LMAN2L: variants seen among roughly 807,000 people sequenced by gnomAD.
LMAN2L encodes the protein VIP36-like protein.
In LMAN2L, 30 loss-of-function variants were observed where a neutral mutation model predicts 44.3. The observed-to-expected ratio is 0.68, with a 90% CI of 0.51 to 0.92. The LOEUF (loss-of-function observed/expected upper bound fraction) is 0.92, where lower values mean the gene tolerates loss of function less well. LMAN2L is among the 40% of genes least tolerant of loss of function. The pLI is 0.00. For missense variants in LMAN2L, 429 were observed against 446.1 expected (o/e 0.96, Z 0.35); for synonymous variants, 183 against 171.1 (o/e 1.07, Z -0.54).
At chr2:96,739,113 G>C (rs1224553779) in intron 1 of LMAN2L, among the ~76,000 whole-genome samples, 1 of 152,140 alleles carries the variant, frequency 6.6e-6, no homozygotes, top group Non-Finnish European at 1.5e-5. Flanking sequence ...ACTTCTTTAA[G>C]AATGAAAACT....
Position 96,738,060 on chromosome 2 carries a change from G to A in LMAN2L, c.195C>T (p.Gly65=). 1 of 1,610,938 alleles carries A rather than the reference G, an allele frequency of 6.2e-7. No homozygotes were observed. The highest frequency in any genetic ancestry group is 8.5e-7 in the Non-Finnish European group (1 of 1,177,140). ...GATTCCACAGTGAGGAACTGCCTGT[G>A]CCCACACCTACAGGAAGGAAGTAGA... ...HSLSKPYQGV[G]TGSSSLWNLM... The change falls in exon 2 of 8, where the codon GGC becomes GGT. Residue 65 remains glycine, a synonymous_variant. Coordinates refer to ENST00000264963, the MANE Select transcript of LMAN2L (RefSeq NM_030805.4).
At chr2:96,722,599 C>CCATT (rs2078182139) in intron 4 of LMAN2L, among the ~76,000 whole-genome samples, 3 of 152,214 alleles carry the variant, frequency 2.0e-5, no homozygotes, top group African/African-American at 7.2e-5. Flanking sequence ...TGCTCGCCCA[C>CCATT]CATTCACCTG....
At chr2:96,726,721 T>C (rs189052837) in intron 4 of LMAN2L, among the ~76,000 whole-genome samples, 92 of 151,764 alleles carry the variant, frequency 6.1e-4, no homozygotes, top group African/African-American at 2.0e-3. Context: ...GAGGTGGAGA[T>C]TGCAGTGGGC....
chr2:96,710,521 C>T (rs959965242), intron 6 of LMAN2L, among the ~76,000 whole-genome samples: 1 of 152,128 alleles, frequency 6.6e-6, no homozygotes, highest in African/African-American at 2.4e-5. Flanking sequence ...CAAAAATTAG[C>T]TGGGCGTGGT....
chr2:96,727,421 T>C (rs1052434143), intron 4 of LMAN2L, among the ~76,000 whole-genome samples: 13 of 152,028 alleles, frequency 8.6e-5, no homozygotes, highest in African/African-American at 3.1e-4. Context: ...CACTTGAGCA[T>C]AGCAGTTTGA....
intron 1 of LMAN2L, 61 bp downstream of exon 1, chr2:96,739,793 C>A: frequency 6.4e-7 from 1 of 1,554,316 alleles, no homozygotes; most frequent in South Asian, 1.1e-5. Flanking sequence ...CCGCCTCTAC[C>A]CCTGAAATCA....
chr2:96,729,675 A>AT (rs200816584), intron 4 of LMAN2L, among the ~76,000 whole-genome samples: 11,676 of 151,762 alleles, frequency 0.077, 507 homozygotes, highest in Middle Eastern at 0.16. Flanking sequence ...CACCTGGCTA[A>AT]TTTTGTATTT....
At chr2:96,717,806 G>A (rs1303616698) in intron 4 of LMAN2L, among the ~76,000 whole-genome samples, 7 of 147,464 alleles carry the variant, frequency 4.7e-5, no homozygotes, top group African/African-American at 1.5e-4. Context: ...GCCACTATAC[G>A]CCAGTCTGGG....
chr2:96,713,007 C>A, intron 4 of LMAN2L: 1 of 982,848 alleles, frequency 1.0e-6, no homozygotes, highest in South Asian at 1.4e-5. Flanking sequence ...GACCAGAGAC[C>A]GGGGACTCCT....
chr2:96,728,219 G>C (rs569969783), intron 4 of LMAN2L, among the ~76,000 whole-genome samples: 116 of 152,306 alleles, frequency 7.6e-4, no homozygotes, highest in Non-Finnish European at 1.3e-3. Context: ...CAGGCGCGGT[G>C]GCTCACGCCT....
At position 96,706,340 on chromosome 2, in the gene LMAN2L, A is replaced by G. The variant is rs1283815922; in HGVS notation, c.*916T>C. 3 of 152,250 alleles carry G rather than the reference A, an allele frequency of 2.0e-5. No individual in the cohort carries two copies. The highest frequency in any genetic ancestry group is 7.2e-5 in the African/African-American group (3 of 41,474). 9.4% of individuals were successfully genotyped at this position (152,250 alleles called of 1,614,324 possible). A position where few individuals can be genotyped will look rare whatever the true frequency, so the allele number is the denominator to read the frequency against. Reference sequence around the variant, plus strand: ...CAAAAATCGTAACTACAAAACATGCAGCTAAGCAGGCTCTAGCAAGTCCAG... The same window carrying G: ...CAAAAATCGTAACTACAAAACATGCGGCTAAGCAGGCTCTAGCAAGTCCAG... On this transcript the variant is annotated 3_prime_UTR_variant, in exon 8 of 8. Transcript: ENST00000264963.
Position 96,733,511 on chromosome 2 carries a change from G to C in LMAN2L, c.507+8C>G, listed in dbSNP as rs2078449864. 3.1e-6 allele frequency: 5 copies of C among 1,607,644 alleles called. No homozygotes were observed. The African/African-American group carries it at 4.0e-5, about 13-fold the overall frequency. On this transcript the variant is annotated splice_region_variant and intron_variant, in intron 4 of 7. Coordinates refer to ENST00000264963, the MANE Select transcript of LMAN2L (RefSeq NM_030805.4). ...GTAGCTGACCTAGGCTCTGACACTT[G>C]CCATTACCTCTTGCTGCTTCTCCTC...
intron 4 of LMAN2L, chr2:96,713,137 G>A (rs1390315914): frequency 1.3e-6 from 2 of 1,551,292 alleles, no homozygotes; most frequent in Middle Eastern, 1.7e-4. Flanking sequence ...GCCTCTTCTG[G>A]GCCTGAGAGG....
chr2:96,728,505 CAAA>C (rs61588722), intron 4 of LMAN2L, among the ~76,000 whole-genome samples: 4 of 87,782 alleles, frequency 4.6e-5, no homozygotes, highest in Non-Finnish European at 4.5e-5. Flanking sequence ...GACTCCGTCT[CAAA>C]AAAAAAAAAA....
chr2:96,728,178 T>A (rs565125314), intron 4 of LMAN2L, among the ~76,000 whole-genome samples: 1 of 152,248 alleles, frequency 6.6e-6, no homozygotes, highest in East Asian at 1.9e-4. Context: ...CTGGACTGAA[T>A]ATAAGATCTA....
chr2:96,722,111 G>A (rs893083080), intron 4 of LMAN2L, among the ~76,000 whole-genome samples: 1 of 152,012 alleles, frequency 6.6e-6, no homozygotes, highest in Non-Finnish European at 1.5e-5. Flanking sequence ...GGGACCATAG[G>A]TGGCCGCCAC....
Position 96,739,972 on chromosome 2 carries a change from C to T in LMAN2L, c.69G>A (p.Gly23=), listed in dbSNP as rs1363787018. 1 of 1,613,884 alleles carries T rather than the reference C, an allele frequency of 6.2e-7. No homozygotes were observed. The highest frequency in any genetic ancestry group is 8.5e-7 in the Non-Finnish European group (1 of 1,180,024). ...QWRRCLSARD[G]SRMLLLLLLL... ...AAAGAAGAAGGAGTAACATCCTGGACCCATCCCGAGCCGACAAACATCGCC... is the reference window on the plus strand; with the variant it reads ...AAAGAAGAAGGAGTAACATCCTGGATCCATCCCGAGCCGACAAACATCGCC... The change falls in exon 1 of 8, where the codon GGG becomes GGA. Residue 23 remains glycine (G), a synonymous_variant. Transcript: ENST00000264963.
intron 4 of LMAN2L, among the ~76,000 whole-genome samples, chr2:96,724,410 G>T (rs2078224340): frequency 6.6e-6 from 1 of 152,222 alleles, no homozygotes; most frequent in South Asian, 2.1e-4. Context: ...AATGTGGGGA[G>T]TACTGCTATC....
chr2:96,707,865 C>A (rs200850469), intron 6 of LMAN2L, 32 bp from the exon 7 acceptor site: 83 of 1,607,940 alleles, frequency 5.2e-5, no homozygotes, highest in Non-Finnish European at 5.2e-5. Context: ...ATGACTTGTG[C>A]CACTTGAAAA....
Sources: allele counts gnomAD v4.1 joint callset (sites outside exome capture counted in the v4.1 genomes callset), GRCh38; gene constraint gnomAD v4.1.1; transcripts MANE v1.5; gene names NCBI Gene and HGNC (gene_info 2026-07-23, HGNC 2026-07-21).